Variants in ERBB4 observed in about 807,000 individuals in gnomAD.
ERBB4 encodes the protein erb-b2 receptor tyrosine kinase 4.
In ERBB4, 42 loss-of-function variants were observed where a neutral mutation model predicts 158.0. That is an observed-to-expected ratio of 0.27 (90% confidence interval 0.21 to 0.34). ERBB4 has a LOEUF of 0.34. Ranked by LOEUF, ERBB4 falls within the 10% of genes least tolerant of loss-of-function variation. ERBB4 has a pLI of 1.00. For synonymous variants in ERBB4, 583 were observed against 558.7 expected (o/e 1.04, Z -0.61); for missense variants, 1,333 against 1,624.1 (o/e 0.82, Z 3.08).
Position 211,561,980 on chromosome 2 carries a change from G to A in ERBB4, c.2410C>T (p.Leu804=). Residue 804 remains leucine (L), a synonymous_variant, in exon 20 of 28, where the codon CTG becomes TTG. Coordinates refer to ENST00000342788, the MANE Select transcript of ERBB4 (RefSeq NM_005235.3). Reference sequence around the variant, plus strand: ...TTGTGCTCGTGGACATACTCCAACAGGCAGCCATGGGGCATAAGTTGAGTA... The same window carrying A: ...TTGTGCTCGTGGACATACTCCAACAAGCAGCCATGGGGCATAAGTTGAGTA... ...LVTQLMPHGC[L]LEYVHEHKDN... 6.2e-7 allele frequency: 1 copy of A among 1,614,184 alleles called. No individual in the cohort carries two copies. The highest frequency in any genetic ancestry group is 1.1e-5 in the South Asian group (1 of 91,088).
Position 211,641,779 on chromosome 2 carries a change from T to C in ERBB4, c.1947-11185A>G, listed in dbSNP as rs546484614. On this transcript the variant is annotated intron_variant, in intron 16 of 27. Transcript: ENST00000342788. The stretch of plus-strand genomic sequence containing the variant: ...CTGACCTCAATTCATTCCATTTTGC[T>C]ATCGTGGTTTCAAGAATATTTGTTT... Among the ~76,000 whole-genome samples the C allele has an allele frequency of 5.3e-5, 8 of 152,206 alleles. No homozygotes were observed. The South Asian group carries it at 1.7e-3, about 32-fold the overall frequency.
intron 3 of ERBB4, among the ~76,000 whole-genome samples, chr2:211,884,141 A>G (rs1264637551): frequency 6.6e-6 from 1 of 152,164 alleles, no homozygotes; most frequent in East Asian, 1.9e-4. Flanking sequence ...ATTACGTTTA[A>G]ACACCTGCAT....
intron 3 of ERBB4, among the ~76,000 whole-genome samples, chr2:211,916,426 C>T (rs534744815): frequency 1.8e-4 from 27 of 152,124 alleles, no homozygotes; most frequent in South Asian, 8.3e-4. Flanking sequence ...GTGATCTGTC[C>T]GCCTCGGCCT....
chr2:211,518,715 C>T (rs1421076445), intron 20 of ERBB4, among the ~76,000 whole-genome samples: 1 of 151,802 alleles, frequency 6.6e-6, no homozygotes, highest in African/African-American at 2.4e-5. Context: ...TTATATTAGG[C>T]TGTAGACGAT....
At chr2:212,300,651 A>C (rs2086586455) in intron 1 of ERBB4, among the ~76,000 whole-genome samples, 2 of 151,610 alleles carry the variant, frequency 1.3e-5, no homozygotes, top group Admixed American at 1.3e-4. Context: ...ATTCACCACA[A>C]ACAAGGGGCC....
intron 1 of ERBB4, among the ~76,000 whole-genome samples, chr2:212,432,756 G>A (rs1263478794): frequency 6.6e-6 from 1 of 152,090 alleles, no homozygotes; most frequent in African/African-American, 2.4e-5. Context: ...GTTGTGAAAG[G>A]TGAAAACTCT....
At chr2:212,069,757 C>G (rs1035808567) in intron 2 of ERBB4, among the ~76,000 whole-genome samples, 3 of 151,914 alleles carry the variant, frequency 2.0e-5, no homozygotes, top group Admixed American at 2.0e-4. Flanking sequence ...AACTGTATTT[C>G]TTTATACAAG....
At chr2:212,459,715 A>G (rs1266771688) in intron 1 of ERBB4, among the ~76,000 whole-genome samples, 1 of 152,204 alleles carries the variant, frequency 6.6e-6, no homozygotes, top group Non-Finnish European at 1.5e-5. Context: ...AGTATCCAAC[A>G]TAGCATGGAA....
chr2:211,767,066 A>G (rs1435614115), intron 4 of ERBB4, among the ~76,000 whole-genome samples: 1 of 152,228 alleles, frequency 6.6e-6, no homozygotes, highest in Non-Finnish European at 1.5e-5. Context: ...TTTAAACATC[A>G]GAAAATTCTG....
chr2:212,414,659 G>A (rs906163266), intron 1 of ERBB4, among the ~76,000 whole-genome samples: 2 of 152,070 alleles, frequency 1.3e-5, no homozygotes, highest in Non-Finnish European at 2.9e-5. Context: ...ATTCCTTCCT[G>A]GTCCTGCAAT....
At chr2:212,129,175 CTATA>C (rs1228251137) in intron 1 of ERBB4, among the ~76,000 whole-genome samples, 1 of 151,420 alleles carries the variant, frequency 6.6e-6, no homozygotes, top group Non-Finnish European at 1.5e-5. Flanking sequence ...ACATTGCAAC[CTATA>C]TATAATTTAT....
At chr2:212,391,751 A>AATATTGACATATATTATATATATGTCAAT (rs2090877845) in intron 1 of ERBB4, among the ~76,000 whole-genome samples, 1 of 142,158 alleles carries the variant, frequency 7.0e-6, no homozygotes, top group African/African-American at 2.6e-5. Context: ...TATTATATAT[A>AATATTGACATATATTATATATATGTCAAT]ATATTGACAT....
At chr2:211,958,942 TAGATGCTATCTGACCTTTTCAA>T in intron 2 of ERBB4, among the ~76,000 whole-genome samples, 1 of 149,782 alleles carries the variant, frequency 6.7e-6, no homozygotes, top group East Asian at 1.9e-4. Flanking sequence ...TGCCTTCTCT[TAGATGCTATCTGACCTTTTCAA>T]ACATACATAG....
At chr2:211,719,002 G>T (rs1397192326) in intron 7 of ERBB4, among the ~76,000 whole-genome samples, 1 of 152,150 alleles carries the variant, frequency 6.6e-6, no homozygotes, top group Non-Finnish European at 1.5e-5. Context: ...CTGCTGGATG[G>T]CTTTTTAAAA....
At chr2:211,870,857 G>A (rs1467688376) in intron 3 of ERBB4, among the ~76,000 whole-genome samples, 7 of 152,056 alleles carry the variant, frequency 4.6e-5, no homozygotes, top group Admixed American at 2.0e-4. Context: ...GATCAAGAAT[G>A]CCTGATTTCT....
rs968643819 is a variant in ERBB4 at position 211,376,931 on chromosome 2, C to G, written c.*6684G>C. 1 of 233,250 alleles carries G rather than the reference C, an allele frequency of 4.3e-6. No individual in the cohort carries two copies. The highest frequency in any genetic ancestry group is 8.5e-6 in the Non-Finnish European group (1 of 117,750). 14.4% of individuals were successfully genotyped at this position (233,250 alleles called of 1,614,324 possible). A position where few individuals can be genotyped will look rare whatever the true frequency, so the allele number is the denominator to read the frequency against. On this transcript the variant is annotated 3_prime_UTR_variant, in exon 28 of 28. Coordinates refer to ENST00000342788, the MANE Select transcript of ERBB4 (RefSeq NM_005235.3). ...AGGCATTCAAAGTTAGCTGCCCTCA[C>G]ACAGCTGCTCCGTTTAATAATCGAC...
intron 1 of ERBB4, among the ~76,000 whole-genome samples, chr2:212,184,264 C>T (rs1316761610): frequency 1.3e-5 from 2 of 152,028 alleles, no homozygotes; most frequent in Admixed American, 6.6e-5. Context: ...CTTTTCCCCA[C>T]CAAATCTTAA....
At chr2:211,874,216 A>G (rs1393988570) in intron 3 of ERBB4, among the ~76,000 whole-genome samples, 2 of 152,126 alleles carry the variant, frequency 1.3e-5, no homozygotes, top group East Asian at 1.9e-4. Flanking sequence ...AGTTATATCT[A>G]TTTACACTGA....
chr2:211,693,296 C>A (rs1015309887), intron 12 of ERBB4, among the ~76,000 whole-genome samples: 2 of 151,934 alleles, frequency 1.3e-5, no homozygotes, highest in Non-Finnish European at 2.9e-5. Context: ...TTTGATAGTA[C>A]AATACTTATT....
Sources: allele counts gnomAD v4.1 joint callset (sites outside exome capture counted in the v4.1 genomes callset), GRCh38; gene constraint gnomAD v4.1.1; transcripts MANE v1.5; gene names NCBI Gene and HGNC (gene_info 2026-07-23, HGNC 2026-07-21).